The following WWOX variants were observed in gnomAD, a reference collection of about 807,000 sequenced individuals.
WWOX encodes WW domain-containing oxidoreductase.
Under a neutral mutation model 46.2 loss-of-function variants are expected in WWOX, and 69 were observed. That is an observed-to-expected ratio of 1.49 (90% confidence interval 1.23 to 1.82). WWOX has a LOEUF of 1.82. Among genes scored for constraint, WWOX ranks in the 40% most tolerant of loss-of-function variants. The pLI is 0.00. For synonymous variants in WWOX, 359 were observed against 202.6 expected (o/e 1.77, Z -6.56); for missense variants, 919 against 542.6 (o/e 1.69, Z -6.89).
chr16:78,620,120 A>T (rs1445857319), intron 8 of WWOX, among the ~76,000 whole-genome samples: 1 of 152,182 alleles, frequency 6.6e-6, no homozygotes, highest in African/African-American at 2.4e-5. Flanking sequence ...ACAGTTGATG[A>T]GGATGGTGTA....
At chr16:79,053,263 C>A (rs2048203404) in intron 8 of WWOX, among the ~76,000 whole-genome samples, 3 of 152,042 alleles carry the variant, frequency 2.0e-5, no homozygotes, top group African/African-American at 7.3e-5. Context: ...TTGCTTTTTT[C>A]CCCTACATAA....
intron 8 of WWOX, among the ~76,000 whole-genome samples, chr16:78,495,501 G>T (rs369855523): frequency 1.3e-4 from 13 of 103,362 alleles, no homozygotes; most frequent in Middle Eastern, 6.1e-3. Flanking sequence ...GGAAGTCATA[G>T]AAAATGGTCT....
chr16:78,889,350 A>G (rs532801292), intron 8 of WWOX, among the ~76,000 whole-genome samples: 1,300 of 59,746 alleles, frequency 0.022, 22 homozygotes, highest in Middle Eastern at 0.083. Flanking sequence ...TCCCTCCCCC[A>G]CCCCCCGCCC....
chr16:78,558,931 A>G (rs141592239), intron 8 of WWOX, among the ~76,000 whole-genome samples: 1 of 152,124 alleles, frequency 6.6e-6, no homozygotes, highest in African/African-American at 2.4e-5. Context: ...AACCATGGTC[A>G]TTTTGTGGTT....
At chr16:78,639,347 G>T (rs778091264) in intron 8 of WWOX, among the ~76,000 whole-genome samples, 5 of 152,154 alleles carry the variant, frequency 3.3e-5, no homozygotes, top group Admixed American at 6.5e-5. Flanking sequence ...ACACCTTGCC[G>T]TATATGACTT....
At chr16:78,838,314 C>T (rs1182321691) in intron 8 of WWOX, among the ~76,000 whole-genome samples, 1 of 152,206 alleles carries the variant, frequency 6.6e-6, no homozygotes, top group East Asian at 1.9e-4. Flanking sequence ...TGACAGTGAA[C>T]CAGGAACCAG....
intron 8 of WWOX, among the ~76,000 whole-genome samples, chr16:78,907,128 T>A (rs1456216420): frequency 6.6e-6 from 1 of 152,150 alleles, no homozygotes; most frequent in African/African-American, 2.4e-5. Flanking sequence ...GACTGGGGTT[T>A]TTTTAAGGAT....
chr16:78,112,782 C>T (rs1056745357), intron 3 of WWOX, among the ~76,000 whole-genome samples: 12 of 151,516 alleles, frequency 7.9e-5, no homozygotes, highest in African/African-American at 2.9e-4. Context: ...TCGCTGCAGC[C>T]TCAACCTCCT....
chr16:79,089,221 A>T (rs182471688), intron 8 of WWOX, among the ~76,000 whole-genome samples: 2 of 152,114 alleles, frequency 1.3e-5, no homozygotes, highest in Admixed American at 6.5e-5. Context: ...CATGTTTTAT[A>T]TGGAGACATT....
At chr16:78,578,397 C>G (rs557621235) in intron 8 of WWOX, among the ~76,000 whole-genome samples, 2 of 147,464 alleles carry the variant, frequency 1.4e-5, no homozygotes, top group South Asian at 4.4e-4. Flanking sequence ...TCACGCCATT[C>G]TCCTGCCTCA....
chr16:78,233,652 G>T (rs1029182686), intron 5 of WWOX, among the ~76,000 whole-genome samples: 1 of 150,174 alleles, frequency 6.7e-6, no homozygotes, highest in Non-Finnish European at 1.5e-5. Flanking sequence ...TCAGCCTCCC[G>T]AGTAGCTGGG....
At chr16:79,097,365 T>C (rs926604605) in intron 8 of WWOX, among the ~76,000 whole-genome samples, 1 of 151,550 alleles carries the variant, frequency 6.6e-6, no homozygotes, top group Non-Finnish European at 1.5e-5. Flanking sequence ...TTTTTTTTTT[T>C]GGCCCACATC....
intron 8 of WWOX, among the ~76,000 whole-genome samples, chr16:79,048,421 C>A (rs536928521): frequency 4.7e-4 from 72 of 152,130 alleles, no homozygotes; most frequent in African/African-American, 1.7e-3. Context: ...TGATTACCGT[C>A]CCCCGTGATG....
intron 7 of WWOX, among the ~76,000 whole-genome samples, chr16:78,428,699 A>T (rs188252393): frequency 5.3e-5 from 8 of 152,296 alleles, no homozygotes; most frequent in Admixed American, 4.6e-4. Context: ...TGAAACAGGG[A>T]CCTTATTCTT....
intron 5 of WWOX, among the ~76,000 whole-genome samples, chr16:78,326,509 T>C (rs2080620158): frequency 1.5e-5 from 2 of 134,636 alleles, no homozygotes; most frequent in Non-Finnish European, 3.0e-5. Context: ...AGCATCACTG[T>C]TACTTACTGT....
intron 8 of WWOX, among the ~76,000 whole-genome samples, chr16:78,727,196 T>G (rs551269200): frequency 6.6e-6 from 1 of 152,260 alleles, no homozygotes; most frequent in South Asian, 2.1e-4. Context: ...GTCAGGAGTT[T>G]GAGACCAGCC....
intron 8 of WWOX, among the ~76,000 whole-genome samples, chr16:78,540,720 TC>T (rs2043871299): frequency 6.6e-6 from 1 of 152,014 alleles, no homozygotes; most frequent in Non-Finnish European, 1.5e-5. Context: ...GGGGTCTCAT[TC>T]TGTTGCCCCG....
At chr16:78,334,235 G>C (rs539676616) in intron 5 of WWOX, among the ~76,000 whole-genome samples, 3 of 152,236 alleles carry the variant, frequency 2.0e-5, no homozygotes, top group Non-Finnish European at 4.4e-5. Flanking sequence ...ACTGCGGCTC[G>C]TACAAAATTC....
chr16:78,421,254 G>C (rs754876670), intron 6 of WWOX, among the ~76,000 whole-genome samples: 2 of 152,168 alleles, frequency 1.3e-5, no homozygotes, highest in African/African-American at 2.4e-5. Flanking sequence ...GTGGTTTGCA[G>C]CGTTGGCTCC....
Sources: gnomAD v4.1 joint callset for allele counts (sites outside exome capture counted in the v4.1 genomes callset) on GRCh38, gnomAD v4.1.1 for gene constraint, MANE v1.5 for transcripts, NCBI Gene and HGNC (gene_info 2026-07-23, HGNC 2026-07-21) for gene names.